Variants in ASIC2 observed in about 807,000 individuals in gnomAD.
ASIC2 encodes acid sensing ion channel subunit 2, also known as acid-sensing ion channel 2.
A neutral mutation model predicts 57.3 loss-of-function variants in ASIC2; 25 were observed. The ratio of observed to expected loss-of-function variants is 0.44; its 90% CI spans 0.32 to 0.61. The LOEUF is 0.61. ASIC2 is among the 20% of genes least tolerant of loss of function. The probability of loss-of-function intolerance (pLI) is 0.06; values close to 1 mark genes in which losing one functional copy is unlikely to be tolerated. For synonymous variants in ASIC2, 319 were observed against 307.5 expected (o/e 1.04, Z -0.39); for missense variants, 641 against 738.1 (o/e 0.87, Z 1.52).
chr17:33,707,307 T>C (rs1454179244), intron 1 of ASIC2, among the ~76,000 whole-genome samples: 4 of 152,194 alleles, frequency 2.6e-5, no homozygotes, highest in Non-Finnish European at 5.9e-5. Context: ...TTCTAGCTCT[T>C]GTATAATTTT....
At position 33,818,573 on chromosome 17, in the gene ASIC2, C is replaced by G. The variant is rs139775735; in HGVS notation, c.555+337405G>C. On this transcript the variant is annotated intron_variant, in intron 1 of 9. Coordinates refer to the ASIC2 transcript ENST00000359872. ...AGACATTTAGCAATTTCCAGAGACA[C>G]TTTTTGGCTGTCACAACTACTGTGG... Among the ~76,000 whole-genome samples, 516 of 152,264 alleles carry G rather than the reference C, an allele frequency of 3.4e-3. 4 individuals carry two copies. Among genetic ancestry groups the G allele is most frequent in the African/African-American group, 0.012 (489 of 41,554 alleles).
At chr17:33,380,364 G>A (rs575437109) in intron 1 of ASIC2, among the ~76,000 whole-genome samples, 76 of 151,952 alleles carry the variant, frequency 5.0e-4, no homozygotes, top group Admixed American at 2.4e-3. Flanking sequence ...ATCATGATGC[G>A]TAAACATTGA....
intron 3 of ASIC2, among the ~76,000 whole-genome samples, chr17:33,067,145 A>G (rs2092047002): frequency 1.7e-5 from 1 of 57,784 alleles, no homozygotes; most frequent in Non-Finnish European, 4.6e-5. Context: ...GAGTTCTTGC[A>G]GATAAATAAT....
chr17:33,784,619 T>A (rs1212261038), intron 1 of ASIC2, among the ~76,000 whole-genome samples: 1 of 152,256 alleles, frequency 6.6e-6, no homozygotes, highest in Admixed American at 6.5e-5. Context: ...AAAATTATAA[T>A]TTTGTCATGT....
chr17:33,202,487 C>G (rs981467020), intron 1 of ASIC2, among the ~76,000 whole-genome samples: 1 of 152,116 alleles, frequency 6.6e-6, no homozygotes, highest in African/African-American at 2.4e-5. Flanking sequence ...ATTGTCCGCC[C>G]CATCTGGGTG....
At chr17:33,075,379 T>C (rs1374353068) in intron 3 of ASIC2, among the ~76,000 whole-genome samples, 1 of 152,178 alleles carries the variant, frequency 6.6e-6, no homozygotes, top group Non-Finnish European at 1.5e-5. Context: ...TTATCAGCAG[T>C]GAGAAATGGA....
intron 1 of ASIC2, among the ~76,000 whole-genome samples, chr17:33,480,994 C>A (rs1913385799): frequency 6.6e-6 from 1 of 152,166 alleles, no homozygotes; most frequent in African/African-American, 2.4e-5. Context: ...CTTCTGTCAC[C>A]CAGTTTTTAA....
intron 1 of ASIC2, among the ~76,000 whole-genome samples, chr17:33,702,139 T>G (rs1908720696): frequency 6.6e-6 from 1 of 152,212 alleles, no homozygotes; most frequent in African/African-American, 2.4e-5. Flanking sequence ...TGATGTGAGT[T>G]TGTGTCTTGG....
intron 1 of ASIC2, among the ~76,000 whole-genome samples, chr17:33,590,220 A>T (rs1904780835): frequency 6.6e-6 from 1 of 152,100 alleles, no homozygotes; most frequent in Admixed American, 6.5e-5. Flanking sequence ...GGGTCTTTTC[A>T]TTCCCCTGCC....
intron 1 of ASIC2, among the ~76,000 whole-genome samples, chr17:33,554,665 A>C (rs1915850196): frequency 6.6e-6 from 1 of 152,074 alleles, no homozygotes; most frequent in African/African-American, 2.4e-5. Context: ...TTGACAGGCA[A>C]GGGAGGTGGG....
chr17:33,814,670 G>A (rs747885202), intron 1 of ASIC2, among the ~76,000 whole-genome samples: 1 of 152,226 alleles, frequency 6.6e-6, no homozygotes. Context: ...GGGAACCTAT[G>A]GGCTTTATTA....
chr17:33,768,255 C>T (rs1477605061), intron 1 of ASIC2, among the ~76,000 whole-genome samples: 1 of 152,104 alleles, frequency 6.6e-6, no homozygotes, highest in African/African-American at 2.4e-5. Flanking sequence ...ATTCGCCTGC[C>T]TCAGCCTCCC....
Position 33,292,482 on chromosome 17 carries a change from T to C in ASIC2, c.-367A>G, listed in dbSNP as rs9906918. ...CAGTCCCTGGGTGCTGCGCCCGCCT[T>C]CCCTCGTCCTGGACCTCGGGGGACC... is the stretch of plus-strand genomic sequence containing the variant. On this transcript the variant is annotated 5_prime_UTR_variant, in exon 1 of 10. Transcript: ENST00000225823. 464,205 of 985,396 alleles carry C rather than the reference T, an allele frequency of 0.47. 109,955 individuals are homozygous for C. Among genetic ancestry groups the C allele is most frequent in the East Asian group, 0.75 (6,511 of 8,726 alleles). The allele number at this position is 985,396 out of a possible 1,614,324, so 61.0% of individuals were successfully genotyped here.
intron 1 of ASIC2, among the ~76,000 whole-genome samples, chr17:33,843,547 C>T (rs1913498832): frequency 6.6e-6 from 1 of 152,140 alleles, no homozygotes; most frequent in Admixed American, 6.6e-5. Context: ...GAAATCAAGG[C>T]TACTAGAAGA....
chr17:33,160,081 C>T (rs188191418), intron 1 of ASIC2, among the ~76,000 whole-genome samples: 1 of 151,970 alleles, frequency 6.6e-6, no homozygotes, highest in Non-Finnish European at 1.5e-5. Context: ...TGGTGGTGCA[C>T]ACCTGTAATC....
intron 1 of ASIC2, among the ~76,000 whole-genome samples, chr17:34,057,734 A>C (rs933217818): frequency 1.3e-5 from 2 of 152,162 alleles, no homozygotes; most frequent in African/African-American, 2.4e-5. Context: ...TGGCAATAGA[A>C]ACTAAACAGA....
chr17:33,727,768 C>T (rs1349512085), intron 1 of ASIC2, among the ~76,000 whole-genome samples: 2 of 152,140 alleles, frequency 1.3e-5, no homozygotes, highest in South Asian at 2.1e-4. Flanking sequence ...CATAAATTAC[C>T]GAGTGTCAGG....
rs145246802 is a variant in ASIC2 at position 33,607,948 on chromosome 17, C to T, written c.556-495881G>A. On this transcript the variant is annotated intron_variant, in intron 1 of 9. Transcript: ENST00000359872. Reference sequence around the variant, plus strand: ...CTTCAACCTAAAGGAAGTGTTCAACCGGAAGACTTTGCCTTCAACCTAAAG... The same window carrying T: ...CTTCAACCTAAAGGAAGTGTTCAACTGGAAGACTTTGCCTTCAACCTAAAG... Among the ~76,000 whole-genome samples, 16 of 152,202 alleles carry T rather than the reference C, an allele frequency of 1.1e-4. No individual in the cohort carries two copies. The East Asian group carries it at 1.9e-3, about 18-fold the overall frequency.
At chr17:33,560,765 A>G (rs1406858360) in intron 1 of ASIC2, among the ~76,000 whole-genome samples, 1 of 152,174 alleles carries the variant, frequency 6.6e-6, no homozygotes, top group Non-Finnish European at 1.5e-5. Flanking sequence ...GCTTTCCATG[A>G]GTTAGCTCAT....
Sources: allele counts gnomAD v4.1 joint callset (sites outside exome capture counted in the v4.1 genomes callset), GRCh38; gene constraint gnomAD v4.1.1; transcripts MANE v1.5; gene names NCBI Gene and HGNC (gene_info 2026-07-23, HGNC 2026-07-21).